KYNU: variants seen among roughly 807,000 people sequenced by gnomAD.
KYNU encodes the protein L-kynurenine hydrolase.
In KYNU, 54 loss-of-function variants were observed where a neutral mutation model predicts 59.2. That is an observed-to-expected ratio of 0.91 (90% CI 0.73 to 1.14). The LOEUF (loss-of-function observed/expected upper bound fraction) is 1.14. Ranked by LOEUF, KYNU falls within the 50% of genes most tolerant of loss-of-function variation. The pLI is 0.00. For synonymous variants in KYNU, 177 were observed against 192.0 expected, an observed-to-expected ratio of 0.92 and a Z score of 0.65; for missense variants, 567 against 554.4, an observed-to-expected ratio of 1.02 and a Z score of -0.23.
chr2:142,955,432 C>G (rs1684131047), intron 5 of KYNU, among the ~76,000 whole-genome samples: 1 of 151,950 alleles, frequency 6.6e-6, no homozygotes, highest in African/African-American at 2.4e-5. Context: ...CTGCCCAATG[C>G]TTTAAAGAAT....
chr2:143,006,294 C>T (rs1451874030), intron 10 of KYNU, among the ~76,000 whole-genome samples: 3 of 151,786 alleles, frequency 2.0e-5, no homozygotes, highest in African/African-American at 7.3e-5. Flanking sequence ...AAAGGGGTGA[C>T]GGACGCACCT....
intron 4 of KYNU, chr2:142,947,512 C>T: frequency 4.2e-6 from 1 of 236,014 alleles, no homozygotes. Context: ...TGCTCATTAC[C>T]TTGATCCCTT....
At chr2:143,005,453 T>G (rs1236768270) in intron 10 of KYNU, among the ~76,000 whole-genome samples, 1 of 151,054 alleles carries the variant, frequency 6.6e-6, no homozygotes, top group East Asian at 2.0e-4. Context: ...GAAAATAGTC[T>G]GGCCCTTTTT....
chr2:142,883,351 C>T (rs1052227940), intron 1 of KYNU, among the ~76,000 whole-genome samples: 2 of 151,550 alleles, frequency 1.3e-5, no homozygotes, highest in Admixed American at 1.3e-4. Context: ...CCCGCCACCT[C>T]GCACGGCTAA....
At chr2:143,028,383 A>G (rs1441661792) in intron 10 of KYNU, among the ~76,000 whole-genome samples, 3 of 149,764 alleles carry the variant, frequency 2.0e-5, no homozygotes, top group Non-Finnish European at 3.0e-5. Context: ...AGCTGGGACT[A>G]CAGGTGTATG....
At chr2:143,006,981 ACT>A (rs1685927580) in intron 10 of KYNU, among the ~76,000 whole-genome samples, 1 of 151,290 alleles carries the variant, frequency 6.6e-6, no homozygotes, top group South Asian at 2.1e-4. Flanking sequence ...AAAACTGGAA[ACT>A]CTAAAACGCA....
intron 4 of KYNU, among the ~76,000 whole-genome samples, chr2:142,946,791 T>G (rs913765123): frequency 6.6e-6 from 1 of 152,210 alleles, no homozygotes; most frequent in East Asian, 1.9e-4. Flanking sequence ...GGTTTGTAGC[T>G]GAGACCTCCT....
At chr2:142,940,587 CA>C (rs549275003) in intron 4 of KYNU, among the ~76,000 whole-genome samples, 1 of 151,834 alleles carries the variant, frequency 6.6e-6, no homozygotes, top group South Asian at 2.1e-4. Flanking sequence ...TAAGGAAAAA[CA>C]AAAAATAAGA....
intron 4 of KYNU, among the ~76,000 whole-genome samples, chr2:142,939,828 G>A (rs1355052056): frequency 2.0e-5 from 3 of 152,152 alleles, no homozygotes; most frequent in African/African-American, 7.2e-5. Flanking sequence ...TATTTTGGGG[G>A]CAGCTCACGT....
At chr2:143,014,493 A>G (rs1297241174) in intron 10 of KYNU, among the ~76,000 whole-genome samples, 1 of 152,220 alleles carries the variant, frequency 6.6e-6, no homozygotes, top group African/African-American at 2.4e-5. Flanking sequence ...ACATGATTTG[A>G]GATCAAACAT....
intron 10 of KYNU, among the ~76,000 whole-genome samples, chr2:143,028,675 G>A (rs1236485755): frequency 3.3e-5 from 5 of 151,426 alleles, no homozygotes; most frequent in African/African-American, 4.8e-5. Flanking sequence ...GTGAAACCCC[G>A]TCTCTACTAA....
At chr2:142,966,145 G>A (rs1209254796) in intron 8 of KYNU, among the ~76,000 whole-genome samples, 1 of 152,118 alleles carries the variant, frequency 6.6e-6, no homozygotes, top group Non-Finnish European at 1.5e-5. Context: ...TAAGAAATAG[G>A]AAATAAATAA....
intron 2 of KYNU, among the ~76,000 whole-genome samples, chr2:142,890,940 T>C (rs952278289): frequency 2.0e-5 from 3 of 152,222 alleles, no homozygotes; most frequent in Non-Finnish European, 4.4e-5. Context: ...ATACATTTAA[T>C]TTTAAACTAA....
chr2:142,949,274 G>A (rs770990568), intron 4 of KYNU, among the ~76,000 whole-genome samples: 2 of 152,132 alleles, frequency 1.3e-5, no homozygotes, highest in Non-Finnish European at 2.9e-5. Flanking sequence ...CTACCACTCT[G>A]GGGACTGGAG....
At chr2:142,959,449 G>A (rs1684268192) in intron 7 of KYNU, among the ~76,000 whole-genome samples, 1 of 152,094 alleles carries the variant, frequency 6.6e-6, no homozygotes, top group Admixed American at 6.5e-5. Context: ...AGCCAGATGT[G>A]GTGGCACATG....
chr2:143,015,169 T>C (rs1303340652), intron 10 of KYNU, among the ~76,000 whole-genome samples: 1 of 152,198 alleles, frequency 6.6e-6, no homozygotes, highest in Non-Finnish European at 1.5e-5. Context: ...ATAAGTTTTC[T>C]AATCAGATTT....
intron 10 of KYNU, among the ~76,000 whole-genome samples, chr2:142,991,001 C>T (rs1036683582): frequency 2.0e-5 from 3 of 151,798 alleles, no homozygotes; most frequent in African/African-American, 7.3e-5. Context: ...ATTAGAAAAA[C>T]AATATGCATC....
chr2:142,998,679 T>C (rs1346368073), intron 10 of KYNU, among the ~76,000 whole-genome samples: 1 of 152,040 alleles, frequency 6.6e-6, no homozygotes, highest in Non-Finnish European at 1.5e-5. Context: ...CAAAAGAACA[T>C]TTGTTTGAGG....
At chr2:142,989,890 G>T (rs761408328) in intron 10 of KYNU, 2 of 151,860 alleles carry the variant, frequency 1.3e-5, no homozygotes, top group African/African-American at 4.8e-5. Flanking sequence ...TCCTTTATGT[G>T]ATGTTTCCAT....
Sources: gnomAD v4.1 joint callset for allele counts (sites outside exome capture counted in the v4.1 genomes callset) on GRCh38, gnomAD v4.1.1 for gene constraint, MANE v1.5 for transcripts, NCBI Gene and HGNC (gene_info 2026-07-23, HGNC 2026-07-21) for gene names.